DLGAP2: variants seen among roughly 807,000 people sequenced by gnomAD.
DLGAP2 encodes the protein disks large-associated protein 2.
Under a neutral mutation model 100.3 loss-of-function variants are expected in DLGAP2, and 26 were observed. The observed-to-expected ratio is 0.26, with a 90% CI of 0.19 to 0.36. The LOEUF (loss-of-function observed/expected upper bound fraction) is 0.36. DLGAP2 is among the 10% of genes least tolerant of loss of function. The pLI is 1.00. For synonymous variants in DLGAP2, 886 were observed against 630.1 expected, an observed-to-expected ratio of 1.41 and a Z score of -6.08; for missense variants, 1,858 against 1,453.2, an observed-to-expected ratio of 1.28 and a Z score of -4.53.
intron 8 of DLGAP2, among the ~76,000 whole-genome samples, chr8:1,639,360 C>A (rs752139618): frequency 2.0e-5 from 3 of 152,200 alleles, no homozygotes; most frequent in African/African-American, 7.2e-5. Flanking sequence ...ACAGTGGGAA[C>A]AGAGGCTGTC....
At chr8:1,378,350 C>T (rs775404337) in intron 3 of DLGAP2, among the ~76,000 whole-genome samples, 2 of 150,688 alleles carry the variant, frequency 1.3e-5, no homozygotes, top group Non-Finnish European at 2.9e-5. Flanking sequence ...CACCTGACCT[C>T]ACCTGTCTGT....
chr8:816,801 C>T (rs1474569040), intron 1 of DLGAP2, among the ~76,000 whole-genome samples: 1 of 151,986 alleles, frequency 6.6e-6, no homozygotes, highest in Non-Finnish European at 1.5e-5. Context: ...TTGATTGTTC[C>T]CTCAAATATG....
chr8:1,632,526 A>T (rs1447902902), intron 7 of DLGAP2, among the ~76,000 whole-genome samples: 2 of 152,202 alleles, frequency 1.3e-5, no homozygotes, highest in Non-Finnish European at 2.9e-5. Context: ...CTAATCTTTT[A>T]AAAGTTCTAT....
intron 2 of DLGAP2, among the ~76,000 whole-genome samples, chr8:1,169,329 T>G (rs1399062450): frequency 6.6e-6 from 1 of 152,198 alleles, no homozygotes; most frequent in Non-Finnish European, 1.5e-5. Context: ...GCCTCCAGCT[T>G]TGTTCTTTTG....
At chr8:1,383,749 A>C (rs1439807507) in intron 3 of DLGAP2, among the ~76,000 whole-genome samples, 1 of 152,218 alleles carries the variant, frequency 6.6e-6, no homozygotes, top group Admixed American at 6.5e-5. Context: ...GTCAGAGCCT[A>C]TATTAACTTG....
At chr8:1,103,130 C>G (rs1236045586) in intron 2 of DLGAP2, among the ~76,000 whole-genome samples, 1 of 152,036 alleles carries the variant, frequency 6.6e-6, no homozygotes, top group Non-Finnish European at 1.5e-5. Flanking sequence ...TCTCTGGAGT[C>G]TGACTCTGGT....
At chr8:1,152,960 C>G (rs1173009813) in intron 2 of DLGAP2, among the ~76,000 whole-genome samples, 1 of 152,204 alleles carries the variant, frequency 6.6e-6, no homozygotes, top group Non-Finnish European at 1.5e-5. Flanking sequence ...TTTTTCCTCT[C>G]TGATGTATTT....
rs80293103 is a variant in DLGAP2, at chr8:1,702,070, T to G, written c.*664T>G. 1 of 152,172 alleles carries G rather than the reference T, an allele frequency of 6.6e-6. No individual in the cohort carries two copies. The highest frequency in any genetic ancestry group is 6.5e-5 in the Admixed American group (1 of 15,268). The allele number at this position is 152,172 out of a possible 1,614,324, so 9.4% of individuals were successfully genotyped here. A position where few individuals can be genotyped will look rare whatever the true frequency, so the allele number is the denominator to read the frequency against. On this transcript the variant is annotated 3_prime_UTR_variant, in exon 15 of 15. Coordinates refer to ENST00000637795, the MANE Select transcript of DLGAP2 (RefSeq NM_001346810.2). The stretch of plus-strand genomic sequence containing the variant: ...CCAGAATCCCAGGCGATGACAAGTC[T>G]GAACCCACGAAAATACCCAGCGCAG...
intron 8 of DLGAP2, among the ~76,000 whole-genome samples, chr8:1,636,958 C>G (rs1430724630): frequency 6.6e-6 from 1 of 152,256 alleles, no homozygotes; most frequent in Non-Finnish European, 1.5e-5. Flanking sequence ...TGTTGGGACA[C>G]ACAGGCACCA....
At chr8:1,155,068 CCCT>C (rs1796756711) in intron 2 of DLGAP2, among the ~76,000 whole-genome samples, 1 of 152,192 alleles carries the variant, frequency 6.6e-6, no homozygotes, top group South Asian at 2.1e-4. Context: ...GCACCTCTCA[CCCT>C]GGCCACTGCC....
chr8:1,267,592 ATAAGATAAGATAAGATAAGATAAGATAAG>A (rs1799486593), intron 3 of DLGAP2, among the ~76,000 whole-genome samples: 1 of 40,380 alleles, frequency 2.5e-5, no homozygotes. Flanking sequence ...ATAAAATAAG[ATAAGATAAGATAAGATAAGATAAGATAAG>A]ATAAATATTA....
intron 2 of DLGAP2, among the ~76,000 whole-genome samples, chr8:923,100 C>G (rs1228679611): frequency 6.6e-6 from 1 of 152,206 alleles, no homozygotes; most frequent in Non-Finnish European, 1.5e-5. Context: ...CTGACTGCAG[C>G]AAGTTACTAC....
At chr8:995,888 TG>T (rs1800770234) in intron 2 of DLGAP2, among the ~76,000 whole-genome samples, 1 of 152,120 alleles carries the variant, frequency 6.6e-6, no homozygotes, top group African/African-American at 2.4e-5. Flanking sequence ...ACAGGTGGGC[TG>T]GGGGAAGCAG....
At chr8:1,455,048 C>T (rs1241607584) in intron 3 of DLGAP2, among the ~76,000 whole-genome samples, 1 of 152,160 alleles carries the variant, frequency 6.6e-6, no homozygotes, top group Non-Finnish European at 1.5e-5. Flanking sequence ...GGGGGGATAC[C>T]GGATGCAAGG....
intron 2 of DLGAP2, among the ~76,000 whole-genome samples, chr8:1,242,284 A>C (rs939389587): frequency 5.9e-5 from 9 of 152,170 alleles, no homozygotes; most frequent in Non-Finnish European, 1.3e-4. Flanking sequence ...GTTGTCAGAC[A>C]TATGAGAGGA....
At position 1,361,512 on chromosome 8, in the gene DLGAP2, GC is replaced by G. The variant is rs573381126; in HGVS notation, c.106+102630del. On this transcript the variant is annotated intron_variant, in intron 3 of 14. Transcript: ENST00000637795. ...ACGGCTCTGTAGGTAGCCGTCTGGT[GC>G]TGAGAATTGCATAAACATTTCTTCA... Among the ~76,000 whole-genome samples, 3 of 152,334 alleles carry G rather than the reference GC, an allele frequency of 2.0e-5. No individual in the cohort carries two copies. In the South Asian group the frequency reaches 6.2e-4, roughly 32 times the overall value.
chr8:1,203,312 G>A (rs1228477156), intron 2 of DLGAP2, among the ~76,000 whole-genome samples: 2 of 148,410 alleles, frequency 1.3e-5, no homozygotes, highest in African/African-American at 2.5e-5. Flanking sequence ...CCATGAGACT[G>A]GCGTGTCCTT....
intron 3 of DLGAP2, among the ~76,000 whole-genome samples, chr8:1,263,483 A>C (rs1799391463): frequency 6.6e-6 from 1 of 152,166 alleles, no homozygotes; most frequent in Non-Finnish European, 1.5e-5. Context: ...AACCCAGGCC[A>C]CCTCTTCTCC....
chr8:1,063,223 A>G (rs1394513236), intron 2 of DLGAP2, among the ~76,000 whole-genome samples: 3 of 152,244 alleles, frequency 2.0e-5, no homozygotes, highest in Non-Finnish European at 4.4e-5. Flanking sequence ...AACCTCTTCA[A>G]AAGCAGAGAT....
Sources: allele counts gnomAD v4.1 joint callset (sites outside exome capture counted in the v4.1 genomes callset), GRCh38; gene constraint gnomAD v4.1.1; transcripts MANE v1.5; gene names NCBI Gene and HGNC (gene_info 2026-07-23, HGNC 2026-07-21).